Variants in AFG2A observed in about 807,000 individuals in gnomAD.
AFG2A encodes the protein ATPase family gene 2 protein homolog A.
At chr4:122,976,377 A>C in the AFG2A span, among the ~76,000 whole-genome samples, 1 of 152,222 alleles carries the variant, frequency 6.6e-6, no homozygotes. Flanking sequence ...AGCAAATAGC[A>C]AAGACAAAGA....
the AFG2A span, among the ~76,000 whole-genome samples, chr4:123,108,768 G>C: frequency 6.6e-6 from 1 of 152,110 alleles, no homozygotes; most frequent in African/African-American, 2.4e-5. Context: ...GCTAATGTTG[G>C]AGAAGGTGAG....
chr4:123,058,045 T>C, the AFG2A span, among the ~76,000 whole-genome samples: 3 of 152,204 alleles, frequency 2.0e-5, no homozygotes, highest in Non-Finnish European at 4.4e-5. Flanking sequence ...ATATGAAACA[T>C]TGCTGTTATC....
chr4:123,108,695 G>T, the AFG2A span, among the ~76,000 whole-genome samples: 1 of 151,926 alleles, frequency 6.6e-6, no homozygotes, highest in Non-Finnish European at 1.5e-5. Context: ...AAGAATATTT[G>T]TCATAGGATT....
chr4:122,933,635 A>G, the AFG2A span: 2 of 665,542 alleles, frequency 3.0e-6, no homozygotes, highest in East Asian at 2.8e-5. Context: ...ATGAATGAAT[A>G]TACTTTTAAG....
chr4:123,028,531 G>A, the AFG2A span: 1 of 674,678 alleles, frequency 1.5e-6, no homozygotes, highest in Non-Finnish European at 2.5e-6. Flanking sequence ...GATGTTGATG[G>A]CAATATAATA....
the AFG2A span, among the ~76,000 whole-genome samples, chr4:123,119,598 T>C: frequency 6.6e-6 from 1 of 152,180 alleles, no homozygotes; most frequent in Non-Finnish European, 1.5e-5. Context: ...TCTGGAAAAT[T>C]ATAACATGTC....
At chr4:123,218,214 G>A in the AFG2A span, among the ~76,000 whole-genome samples, 1 of 152,116 alleles carries the variant, frequency 6.6e-6, no homozygotes, top group Non-Finnish European at 1.5e-5. Flanking sequence ...TATGCAACTG[G>A]AGAAATGAAA....
At chr4:122,968,863 T>G in the AFG2A span, among the ~76,000 whole-genome samples, 12 of 152,208 alleles carry the variant, frequency 7.9e-5, no homozygotes, top group African/African-American at 2.9e-4. Context: ...TTTAGTTCCC[T>G]GATGACTGAG....
the AFG2A span, among the ~76,000 whole-genome samples, chr4:123,042,736 A>G: frequency 5.3e-5 from 8 of 152,198 alleles, no homozygotes; most frequent in Non-Finnish European, 1.0e-4. Flanking sequence ...TACTTGCTCA[A>G]GCATCTATAC....
At chr4:123,084,126 T>A in the AFG2A span, among the ~76,000 whole-genome samples, 2 of 152,212 alleles carry the variant, frequency 1.3e-5, no homozygotes, top group East Asian at 3.9e-4. Context: ...ATTATCCTTT[T>A]AATATATATA....
At chr4:123,279,403 C>G in the AFG2A span, among the ~76,000 whole-genome samples, 1 of 119,094 alleles carries the variant, frequency 8.4e-6, no homozygotes, top group Non-Finnish European at 1.8e-5. Context: ...GAGCAAGACT[C>G]CATCTCAAAA....
the AFG2A span, among the ~76,000 whole-genome samples, chr4:123,080,378 T>C: frequency 6.6e-6 from 1 of 152,248 alleles, no homozygotes; most frequent in Non-Finnish European, 1.5e-5. Context: ...CATTCTGGCA[T>C]GCTGACCTTG....
the AFG2A span, among the ~76,000 whole-genome samples, chr4:123,059,961 A>C: frequency 6.6e-6 from 1 of 152,262 alleles, no homozygotes; most frequent in East Asian, 1.9e-4. Flanking sequence ...TTTTTTGAGA[A>C]GTGTCTGTTC....
the AFG2A span, among the ~76,000 whole-genome samples, chr4:122,991,483 C>A: frequency 3.3e-5 from 5 of 152,184 alleles, no homozygotes; most frequent in African/African-American, 1.2e-4. Flanking sequence ...TATCCTGTCC[C>A]AATTGAAGTT....
chr4:123,076,557 ATTTG>A, the AFG2A span, among the ~76,000 whole-genome samples: 3 of 133,500 alleles, frequency 2.2e-5, no homozygotes, highest in Non-Finnish European at 4.8e-5. Context: ...TTTTATTTTT[ATTTG>A]TTTTTTTTAG....
chr4:123,308,670 C>T, the AFG2A span, among the ~76,000 whole-genome samples: 2 of 152,184 alleles, frequency 1.3e-5, no homozygotes, highest in Non-Finnish European at 2.9e-5. Context: ...CGAAACCAGT[C>T]CCTGGTGCTA....
the AFG2A span, among the ~76,000 whole-genome samples, chr4:123,074,124 C>T: frequency 1.4e-3 from 132 of 97,730 alleles, no homozygotes; most frequent in African/African-American, 5.0e-3. Flanking sequence ...GGCAGAGTCT[C>T]GCTCTGTTGC....
the AFG2A span, among the ~76,000 whole-genome samples, chr4:123,029,142 A>G: frequency 2.6e-5 from 4 of 152,164 alleles, no homozygotes; most frequent in African/African-American, 9.7e-5. Flanking sequence ...TACATAACAG[A>G]ATGCATTTTC....
At chr4:122,981,892 C>CT in the AFG2A span, among the ~76,000 whole-genome samples, 40 of 145,518 alleles carry the variant, frequency 2.7e-4, no homozygotes, top group African/African-American at 5.0e-4. Flanking sequence ...TGGTTTTAAT[C>CT]TTTTTTTTTT....
Sources: gnomAD v4.1 joint callset for allele counts (sites outside exome capture counted in the v4.1 genomes callset) on GRCh38, gnomAD v4.1.1 for gene constraint, MANE v1.5 for transcripts, NCBI Gene and HGNC (gene_info 2026-07-23, HGNC 2026-07-21) for gene names.